The following MINPP1 variants were observed in gnomAD, a reference collection of about 807,000 sequenced individuals.
MINPP1 encodes multiple inositol-polyphosphate phosphatase 1.
In MINPP1, 28 loss-of-function variants were observed where a neutral mutation model predicts 46.1. The ratio of observed to expected loss-of-function variants is 0.61; its 90% CI spans 0.45 to 0.83. The LOEUF is 0.83. Among genes scored for constraint, MINPP1 ranks in the 40% least tolerant of loss-of-function variants. The pLI is 0.00. For synonymous variants in MINPP1, 268 were observed against 249.1 expected, an observed-to-expected ratio of 1.08 and a Z score of -0.72; for missense variants, 603 against 610.0, an observed-to-expected ratio of 0.99 and a Z score of 0.12.
intron 4 of MINPP1, among the ~76,000 whole-genome samples, chr10:87,528,062 T>G (rs1307752662): frequency 6.6e-6 from 1 of 152,026 alleles, no homozygotes; most frequent in African/African-American, 2.4e-5. Context: ...ATCCCCTTTA[T>G]CATTTTTTAT....
chr10:87,541,962 A>T (rs1469866742), intron 4 of MINPP1, among the ~76,000 whole-genome samples: 1 of 152,100 alleles, frequency 6.6e-6, no homozygotes, highest in Non-Finnish European at 1.5e-5. Context: ...CAAACATCCA[A>T]ACCATATCAT....
chr10:87,542,319 T>C (rs532692881), intron 4 of MINPP1, among the ~76,000 whole-genome samples: 30 of 58,678 alleles, frequency 5.1e-4, no homozygotes, highest in East Asian at 2.6e-3. Flanking sequence ...CTCTCTCTCT[T>C]TTTTTTTTTA....
intron 4 of MINPP1, among the ~76,000 whole-genome samples, chr10:87,532,002 A>ATACAG (rs1851667082): frequency 6.6e-6 from 1 of 152,236 alleles, no homozygotes; most frequent in Non-Finnish European, 1.5e-5. Flanking sequence ...CACTTAGTAT[A>ATACAG]ATATGATATA....
intron 4 of MINPP1, among the ~76,000 whole-genome samples, chr10:87,544,531 C>A (rs530996996): frequency 6.0e-4 from 91 of 152,294 alleles, no homozygotes; most frequent in African/African-American, 1.9e-3. Context: ...CATGCCTTTG[C>A]CTTTTTGCTG....
chr10:87,508,430 A>G lies in MINPP1; in HGVS notation c.732A>G (p.Thr244=). The part of the protein sequence containing the change: ...KFLTEVEKNA[T]ALYHVEAFKT... Reference sequence around the variant, plus strand: ...TAACTGAAGTAGAAAAAAATGCTACAGCTCTTTATCACGTGGAAGCCTTCA... The same window carrying G: ...TAACTGAAGTAGAAAAAAATGCTACGGCTCTTTATCACGTGGAAGCCTTCA... Residue 244 remains threonine, a synonymous_variant, in exon 2 of 5, where the codon ACA becomes ACG. Coordinates refer to ENST00000371996, the MANE Select transcript of MINPP1 (RefSeq NM_004897.5). 1.2e-6 allele frequency: 2 copies of G among 1,613,804 alleles called. No individual in the cohort carries two copies. The highest frequency in any genetic ancestry group is 1.7e-6 in the Non-Finnish European group (2 of 1,179,848).
chr10:87,551,845 T>A (rs186442829), intron 4 of MINPP1, among the ~76,000 whole-genome samples: 1 of 152,154 alleles, frequency 6.6e-6, no homozygotes, highest in Non-Finnish European at 1.5e-5. Flanking sequence ...TGCACACTTA[T>A]ATGGATTTAC....
At chr10:87,541,206 T>C (rs1851810980) in intron 4 of MINPP1, among the ~76,000 whole-genome samples, 1 of 152,248 alleles carries the variant, frequency 6.6e-6, no homozygotes. Context: ...ATTAGCTCTT[T>C]GGAAGCTCTT....
intron 4 of MINPP1, among the ~76,000 whole-genome samples, chr10:87,538,382 C>G (rs1022882822): frequency 2.0e-5 from 3 of 152,192 alleles, no homozygotes; most frequent in African/African-American, 7.2e-5. Flanking sequence ...TAAGCTGGGG[C>G]AGTTGTTGGA....
intron 4 of MINPP1, among the ~76,000 whole-genome samples, chr10:87,522,841 A>G (rs1208450136): frequency 6.6e-6 from 1 of 152,214 alleles, no homozygotes; most frequent in Non-Finnish European, 1.5e-5. Context: ...ATGCCGTTTA[A>G]TAACATTTTA....
chr10:87,537,547 G>GTGTGTT, intron 4 of MINPP1, among the ~76,000 whole-genome samples: 1 of 147,718 alleles, frequency 6.8e-6, no homozygotes, highest in African/African-American at 2.5e-5. Flanking sequence ...GTGTGTGTGT[G>GTGTGTT]TGTTGTCTAG....
chr10:87,506,322 A>G (rs1851249404), intron 1 of MINPP1, among the ~76,000 whole-genome samples: 1 of 152,168 alleles, frequency 6.6e-6, no homozygotes, highest in Non-Finnish European at 1.5e-5. Context: ...TCTAAGGTCT[A>G]GTATCCAAGT....
At chr10:87,520,260 A>G (rs906313798) in intron 3 of MINPP1, among the ~76,000 whole-genome samples, 12 of 151,880 alleles carry the variant, frequency 7.9e-5, no homozygotes, top group Admixed American at 4.6e-4. Context: ...CTACTATTGG[A>G]ATTTAGTTGT....
At chr10:87,530,987 T>C (rs1298564961) in intron 4 of MINPP1, among the ~76,000 whole-genome samples, 1 of 152,208 alleles carries the variant, frequency 6.6e-6, no homozygotes, top group African/African-American at 2.4e-5. Context: ...TCTGTGGGCA[T>C]GGGACCCTCC....
intron 4 of MINPP1, among the ~76,000 whole-genome samples, 171 bp from the exon 5 acceptor site, chr10:87,551,911 C>T (rs1324087316): frequency 6.6e-6 from 1 of 151,966 alleles, no homozygotes; most frequent in African/African-American, 2.4e-5. Flanking sequence ...AAGTTTAGTT[C>T]TCTGCCACAC....
At chr10:87,509,365 A>G (rs1411225855) in intron 2 of MINPP1, among the ~76,000 whole-genome samples, 1 of 152,234 alleles carries the variant, frequency 6.6e-6, no homozygotes, top group South Asian at 2.1e-4. Context: ...AGGATCAAAA[A>G]GAAGATGCCT....
At chr10:87,551,932 C>T (rs1298412092) in intron 4 of MINPP1, 150 bp from the exon 5 acceptor site, 1 of 655,808 alleles carries the variant, frequency 1.5e-6, no homozygotes. Context: ...GGAATTTCAG[C>T]CGTATGCTTG....
At chr10:87,507,422 T>G (rs566328554) in intron 1 of MINPP1, among the ~76,000 whole-genome samples, 1 of 152,332 alleles carries the variant, frequency 6.6e-6, no homozygotes, top group East Asian at 1.9e-4. Context: ...GTCAAGATAT[T>G]TTCTTAAGAA....
chr10:87,538,249 C>T (rs1203164191), intron 4 of MINPP1, among the ~76,000 whole-genome samples: 2 of 152,008 alleles, frequency 1.3e-5, no homozygotes, highest in Non-Finnish European at 1.5e-5. Flanking sequence ...TTCTCAGGTA[C>T]TCCTGCTGTG....
chr10:87,524,959 GTGATACATTACTAAA>G, intron 4 of MINPP1, among the ~76,000 whole-genome samples: 1 of 59,462 alleles, frequency 1.7e-5, no homozygotes, highest in South Asian at 6.3e-4. Context: ...TTACTAAAAT[GTGATACATTACTAAA>G]ATGTGATACA....
Sources: allele counts gnomAD v4.1 joint callset (sites outside exome capture counted in the v4.1 genomes callset), GRCh38; gene constraint gnomAD v4.1.1; transcripts MANE v1.5; gene names NCBI Gene and HGNC (gene_info 2026-07-23, HGNC 2026-07-21).